Variants in FMNL2 observed in about 807,000 individuals in gnomAD.
FMNL2 encodes the protein formin-like protein 2.
In FMNL2, 51 loss-of-function variants were observed where a neutral mutation model predicts 130.2. The ratio of observed to expected loss-of-function variants is 0.39; its 90% confidence interval spans 0.31 to 0.49. The LOEUF (loss-of-function observed/expected upper bound fraction) is 0.49, where lower values mean the gene tolerates loss of function less well. FMNL2 is among the 20% of genes least tolerant of loss of function. The pLI, the probability that FMNL2 is intolerant of heterozygous loss-of-function variation, is 0.85. For missense variants in FMNL2, 977 were observed against 1,316.2 expected, an observed-to-expected ratio of 0.74 and a Z score of 3.99; for synonymous variants, 465 against 467.1, an observed-to-expected ratio of 1.00 and a Z score of 0.06.
At chr2:152,510,312 A>G (rs1475638030) in intron 1 of FMNL2, among the ~76,000 whole-genome samples, 1 of 152,206 alleles carries the variant, frequency 6.6e-6, no homozygotes, top group African/African-American at 2.4e-5. Context: ...AAGATACTTT[A>G]TTGGGGTACT....
Position 152,601,671 on chromosome 2 carries a change from C to CTTTTTTTTT in FMNL2, c.877-5660_877-5652dup, listed in dbSNP as rs34914295. On this transcript the variant is annotated intron_variant, in intron 9 of 25. Coordinates refer to ENST00000288670, the MANE Select transcript of FMNL2 (RefSeq NM_052905.4). ...GGCTCTCTTTTCTTTTCTTTTCTTT[C>CTTTTTTTTT]TTTTTTTTTTTTTTTTGAGACAGAG... Among the ~76,000 whole-genome samples the CTTTTTTTTT allele has an allele frequency of 3.9e-5, 4 of 103,462 alleles. 1 individual carries two copies. The highest frequency in any genetic ancestry group is 6.9e-5 in the African/African-American group (2 of 29,118). The allele number at this position is 103,462 out of a possible 152,430, so 67.9% of individuals were successfully genotyped here.
intron 1 of FMNL2, among the ~76,000 whole-genome samples, chr2:152,382,115 C>T (rs141211577): frequency 3.0e-4 from 46 of 152,182 alleles, no homozygotes; most frequent in Middle Eastern, 6.8e-3. Context: ...CTTTACATAC[C>T]GGTTTTAACC....
intron 1 of FMNL2, among the ~76,000 whole-genome samples, chr2:152,494,828 T>C (rs1691411985): frequency 6.6e-6 from 1 of 152,208 alleles, no homozygotes; most frequent in Admixed American, 6.5e-5. Context: ...CTGGTACGCT[T>C]TTTGACTCTT....
chr2:152,379,622 C>T (rs1473784200), intron 1 of FMNL2, among the ~76,000 whole-genome samples: 2 of 152,070 alleles, frequency 1.3e-5, no homozygotes, highest in African/African-American at 4.8e-5. Flanking sequence ...AATTTTAAAA[C>T]CTAAATACTT....
chr2:152,386,859 A>G (rs1192100095), intron 1 of FMNL2, among the ~76,000 whole-genome samples: 10 of 152,178 alleles, frequency 6.6e-5, no homozygotes, highest in African/African-American at 2.4e-4. Context: ...TTCTGCTTTC[A>G]AAATGGTTTT....
chr2:152,593,898 T>TGA (rs1697605116), intron 9 of FMNL2, among the ~76,000 whole-genome samples: 2 of 78,010 alleles, frequency 2.6e-5, no homozygotes, highest in African/African-American at 8.7e-5. Context: ...TGTGTGTGTG[T>TGA]GTGTGAGAGA....
At chr2:152,515,763 A>T (rs2105376632) in intron 1 of FMNL2, among the ~76,000 whole-genome samples, 1 of 152,314 alleles carries the variant, frequency 6.6e-6, no homozygotes, top group East Asian at 1.9e-4. Flanking sequence ...GGATTATAAG[A>T]CAGACTAAAT....
At chr2:152,633,198 C>T (rs894020134) in intron 21 of FMNL2, among the ~76,000 whole-genome samples, 3 of 151,790 alleles carry the variant, frequency 2.0e-5, no homozygotes, top group African/African-American at 4.8e-5. Context: ...CAGGCTGAAA[C>T]GATCCTCCCA....
In FMNL2 at chr2:152,648,798, A is replaced by G. The variant is rs1683833845; in HGVS notation, c.*893A>G. 1 of 152,516 alleles carries G rather than the reference A, an allele frequency of 6.6e-6. No individual in the cohort carries two copies. Among genetic ancestry groups the G allele is most frequent in the African/African-American group, 2.4e-5 (1 of 41,408 alleles). The allele number at this position is 152,516 out of a possible 1,614,324, so 9.4% of individuals were successfully genotyped here. A position where few individuals can be genotyped will look rare whatever the true frequency, so the allele number is the denominator to read the frequency against. On this transcript the variant is annotated 3_prime_UTR_variant, in exon 26 of 26. Transcript: ENST00000288670. ...GCCTTACTCTCCTCTGACAATCGCA[A>G]TTTTTTCTTATTTTTTATAAATTCA...
chr2:152,562,174 A>G (rs1248521356), intron 6 of FMNL2, among the ~76,000 whole-genome samples: 1 of 152,228 alleles, frequency 6.6e-6, no homozygotes, highest in Non-Finnish European at 1.5e-5. Context: ...TCTGTGGTTC[A>G]TGATTTTAAC....
chr2:152,491,511 A>G (rs1429762395), intron 1 of FMNL2, among the ~76,000 whole-genome samples: 1 of 152,240 alleles, frequency 6.6e-6, no homozygotes, highest in Admixed American at 6.5e-5. Flanking sequence ...GCTTAGCTAA[A>G]TTGACCACAA....
chr2:152,619,359 CAT>C, intron 14 of FMNL2, 148 bp from the exon 15 acceptor site: 3 of 1,354,206 alleles, frequency 2.2e-6, no homozygotes, highest in Non-Finnish European at 3.0e-6. Context: ...ATTTTTCCCA[CAT>C]GTCAATGAGG....
Position 152,629,654 on chromosome 2 carries a change from A to G in FMNL2, c.2401-2A>G. On this transcript the variant is annotated splice_acceptor_variant, in intron 18 of 25. Transcript: ENST00000288670. LOFTEE classifies it high-confidence loss of function. ...CTTTTTCTTTCTTTGATTGGAATCT[A>G]GCAACTACATGCGATTATAGCAGCA... 1 of 1,593,060 alleles carries G rather than the reference A, an allele frequency of 6.3e-7. No homozygotes were observed. Among genetic ancestry groups the G allele is most frequent in the Non-Finnish European group, 8.6e-7 (1 of 1,168,916 alleles).
At chr2:152,625,299 C>T in intron 15 of FMNL2, 139 bp from the exon 16 acceptor site, 1 of 987,400 alleles carries the variant, frequency 1.0e-6, no homozygotes, top group Non-Finnish European at 1.4e-6. Context: ...TGTTTTCCAG[C>T]TTTAAAAACC....
At chr2:152,459,081 GA>G (rs1689104329) in intron 1 of FMNL2, among the ~76,000 whole-genome samples, 1 of 152,152 alleles carries the variant, frequency 6.6e-6, no homozygotes, top group Non-Finnish European at 1.5e-5. Flanking sequence ...CAAACCTCTA[GA>G]TTTTTTTTGT....
At chr2:152,376,574 G>A (rs1684190154) in intron 1 of FMNL2, among the ~76,000 whole-genome samples, 1 of 152,212 alleles carries the variant, frequency 6.6e-6, no homozygotes, top group African/African-American at 2.4e-5. Flanking sequence ...GCACAGCTGT[G>A]CAGTGTGGCC....
chr2:152,486,894 A>C (rs1690858783), intron 1 of FMNL2, among the ~76,000 whole-genome samples: 1 of 152,226 alleles, frequency 6.6e-6, no homozygotes, highest in Admixed American at 6.5e-5. Flanking sequence ...TATTCTAGCA[A>C]AATATAACAG....
intron 1 of FMNL2, among the ~76,000 whole-genome samples, chr2:152,381,810 C>CTT (rs3047878): frequency 0.56 from 83,804 of 149,828 alleles, 24,042 homozygotes; most frequent in South Asian, 0.7. Context: ...CAAAGCAGAA[C>CTT]TTTTTTTTTT....
At chr2:152,611,317 C>T (rs577059645) in intron 10 of FMNL2, among the ~76,000 whole-genome samples, 178 bp from the exon 11 acceptor site, 1 of 151,832 alleles carries the variant, frequency 6.6e-6, no homozygotes, top group Admixed American at 6.6e-5. Flanking sequence ...CCAGTCTGGG[C>T]GACAGAGCAA....
Sources: allele counts gnomAD v4.1 joint callset (sites outside exome capture counted in the v4.1 genomes callset), GRCh38; gene constraint gnomAD v4.1.1; transcripts MANE v1.5; gene names NCBI Gene and HGNC (gene_info 2026-07-23, HGNC 2026-07-21).